TRERF1: variants seen among roughly 807,000 people sequenced by gnomAD.
TRERF1 encodes transcriptional regulating factor 1.
In TRERF1, 27 loss-of-function variants were observed where a neutral mutation model predicts 122.9. The ratio of observed to expected loss-of-function variants is 0.22; its 90% confidence interval spans 0.16 to 0.30. The LOEUF is 0.30. TRERF1 is among the 10% of genes least tolerant of loss of function. TRERF1 has a pLI of 1.00. For missense variants in TRERF1, 1,248 were observed against 1,560.3 expected, an observed-to-expected ratio of 0.80 and a Z score of 3.37; for synonymous variants, 636 against 641.7, an observed-to-expected ratio of 0.99 and a Z score of 0.13.
At chr6:42,235,339 G>A (rs1265672286) in intron 16 of TRERF1, among the ~76,000 whole-genome samples, 1 of 152,298 alleles carries the variant, frequency 6.6e-6, no homozygotes, top group East Asian at 1.9e-4. Flanking sequence ...CTATACAGGT[G>A]TGCCTGGCCT....
At chr6:42,356,097 C>T (rs1170867102) in intron 3 of TRERF1, among the ~76,000 whole-genome samples, 2 of 152,200 alleles carry the variant, frequency 1.3e-5, no homozygotes, top group Non-Finnish European at 2.9e-5. Context: ...TTCCAACTTC[C>T]CATTTTATTG....
At chr6:42,289,354 A>C (rs1483425916) in intron 4 of TRERF1, among the ~76,000 whole-genome samples, 3 of 144,742 alleles carry the variant, frequency 2.1e-5, no homozygotes, top group African/African-American at 7.5e-5. Flanking sequence ...AAACAAAAAA[A>C]AAACAAAAAA....
chr6:42,360,305 T>C (rs559910826), intron 3 of TRERF1, among the ~76,000 whole-genome samples: 1 of 152,366 alleles, frequency 6.6e-6, no homozygotes, highest in African/African-American at 2.4e-5. Flanking sequence ...CAACCCAGAA[T>C]TTGAGTTCAG....
chr6:42,366,761 G>A (rs1015649573), intron 2 of TRERF1, among the ~76,000 whole-genome samples: 4 of 152,154 alleles, frequency 2.6e-5, no homozygotes, highest in Non-Finnish European at 5.9e-5. Flanking sequence ...GATCCACTTC[G>A]ATCACCAGCT....
At chr6:42,357,432 C>T (rs1052049601) in intron 3 of TRERF1, among the ~76,000 whole-genome samples, 5 of 151,334 alleles carry the variant, frequency 3.3e-5, no homozygotes, top group Admixed American at 1.3e-4. Context: ...AGGACTCAAA[C>T]GGTAACGCTT....
At position 42,269,099 on chromosome 6, in the gene TRERF1, C is replaced by T. The variant is rs1215637785; in HGVS notation, c.492G>A (p.Gln164=). 6.2e-7 allele frequency: 1 copy of T among 1,614,206 alleles called. No homozygotes were observed. Among genetic ancestry groups the T allele is most frequent in the East Asian group, 2.2e-5 (1 of 44,896 alleles). Residue 164 remains glutamine, a synonymous_variant, in exon 5 of 18, where the codon CAG becomes CAA. Transcript: ENST00000372922. This position sits in a 1 kb window ranked among gnomAD's most constrained non-coding sequence, Gnocchi z 4.9. The stretch of plus-strand genomic sequence containing the variant: ...TCACTGCTGACTGAGTGTGCAGCAC[C>T]TGGGCCATATTGTTGACCTGAATTC...
chr6:42,265,620 A>G, intron 6 of TRERF1, 131 bp downstream of exon 6: 2 of 1,032,112 alleles, frequency 1.9e-6, no homozygotes, highest in Non-Finnish European at 2.9e-6. Flanking sequence ...GCACTCAAAC[A>G]CAACAGCTGC....
intron 3 of TRERF1, among the ~76,000 whole-genome samples, chr6:42,309,924 C>A (rs1338294492): frequency 1.3e-5 from 2 of 150,876 alleles, no homozygotes. Flanking sequence ...TACAAACATG[C>A]GCCACCAGGG....
intron 4 of TRERF1, among the ~76,000 whole-genome samples, chr6:42,283,603 GA>G (rs1482343406): frequency 2.1e-5 from 3 of 140,952 alleles, no homozygotes; most frequent in Admixed American, 7.1e-5. Flanking sequence ...AATAACATAT[GA>G]AAAAAACTTT....
chr6:42,243,053 C>A (rs955201098), intron 15 of TRERF1, among the ~76,000 whole-genome samples, 195 bp downstream of exon 15: 7 of 152,164 alleles, frequency 4.6e-5, no homozygotes, highest in Non-Finnish European at 1.0e-4. Flanking sequence ...AGCTACAGGC[C>A]AAACCTATGG....
At chr6:42,440,578 A>G (rs1402264174) in intron 2 of TRERF1, among the ~76,000 whole-genome samples, 2 of 152,198 alleles carry the variant, frequency 1.3e-5, no homozygotes, top group Admixed American at 1.3e-4. Flanking sequence ...CCCATGGCCT[A>G]TGCAAATTCC....
intron 3 of TRERF1, among the ~76,000 whole-genome samples, chr6:42,301,036 G>C (rs1786078333): frequency 6.6e-6 from 1 of 151,722 alleles, no homozygotes; most frequent in African/African-American, 2.4e-5. Flanking sequence ...CAGACAGACA[G>C]ACACAGAGAG....
At chr6:42,391,330 G>C (rs192999012) in intron 2 of TRERF1, among the ~76,000 whole-genome samples, 2 of 152,310 alleles carry the variant, frequency 1.3e-5, no homozygotes, top group Admixed American at 1.3e-4. Context: ...TTGGGGGTTA[G>C]AGTAGCCTGT....
chr6:42,427,426 T>C (rs1582165707), intron 2 of TRERF1, among the ~76,000 whole-genome samples: 1 of 151,966 alleles, frequency 6.6e-6, no homozygotes, highest in South Asian at 2.1e-4. Flanking sequence ...CCCAGCTAAC[T>C]TTTTTGTAGA....
intron 15 of TRERF1, among the ~76,000 whole-genome samples, chr6:42,239,744 C>T (rs1292217378): frequency 6.6e-6 from 1 of 152,098 alleles, no homozygotes; most frequent in Non-Finnish European, 1.5e-5. Flanking sequence ...CCCCAGGATC[C>T]CCATGATCCC....
At chr6:42,404,715 TGCCG>T (rs146729751) in intron 2 of TRERF1, among the ~76,000 whole-genome samples, 2,937 of 152,246 alleles carry the variant, frequency 0.019, 85 homozygotes, top group African/African-American at 0.065. Context: ...CCGCTCTCTG[TGCCG>T]ATTCCTGCTT....
At chr6:42,350,851 C>T (rs142442898) in intron 3 of TRERF1, among the ~76,000 whole-genome samples, 6 of 152,220 alleles carry the variant, frequency 3.9e-5, no homozygotes, top group African/African-American at 1.2e-4. Flanking sequence ...GATAAGAACA[C>T]TTGCAACATA....
At chr6:42,441,202 C>T (rs1786452403) in intron 2 of TRERF1, among the ~76,000 whole-genome samples, 1 of 152,120 alleles carries the variant, frequency 6.6e-6, no homozygotes, top group South Asian at 2.1e-4. Context: ...ATGGAAAAAT[C>T]ACAGCTGCTG....
chr6:42,239,462 G>A (rs921654111), intron 15 of TRERF1, among the ~76,000 whole-genome samples: 2 of 152,162 alleles, frequency 1.3e-5, no homozygotes, highest in African/African-American at 4.8e-5. Flanking sequence ...GTGAGCAGCT[G>A]TGCTCTGTTG....
Sources: gnomAD v4.1 joint callset for allele counts (sites outside exome capture counted in the v4.1 genomes callset) on GRCh38, gnomAD v4.1.1 for gene constraint, Gnocchi (gnomAD v3.1) non-coding constraint, MANE v1.5 for transcripts, NCBI Gene and HGNC (gene_info 2026-07-23, HGNC 2026-07-21) for gene names.